SUN2: variants seen among roughly 807,000 people sequenced by gnomAD.
SUN2 encodes the protein SUN domain-containing protein 2.
In SUN2, 60 loss-of-function variants were observed where a neutral mutation model predicts 100.0. That is an observed-to-expected ratio of 0.60 (90% CI 0.49 to 0.74). The LOEUF is 0.74. SUN2 is among the 30% of genes least tolerant of loss of function. The probability of loss-of-function intolerance (pLI) is 0.00; values close to 1 mark genes in which losing one functional copy is unlikely to be tolerated. For synonymous variants in SUN2, 367 were observed against 403.3 expected (o/e 0.91, Z 1.08); for missense variants, 834 against 954.6 (o/e 0.87, Z 1.66).
chr22:38,750,433 C>A, intron 4 of SUN2, 113 bp from the exon 5 acceptor site: 1 of 1,534,268 alleles, frequency 6.5e-7, no homozygotes, highest in Non-Finnish European at 8.8e-7. Context: ...TCCCCACAGC[C>A]CCACACAGGC....
Position 38,755,385 on chromosome 22 carries a change from C to A in SUN2, c.-38+378G>T, listed in dbSNP as rs1253508621. ...GAACAAAACGGGCCTTCCTCTGAGG[C>A]CCTGAGTTCTGACAGGCAGAGGCTG... is the stretch of plus-strand genomic sequence containing the variant. On this transcript the variant is annotated intron_variant, in intron 1 of 17. Coordinates refer to ENST00000689035, the MANE Select transcript of SUN2 (RefSeq NM_015374.3). This position sits in a 1 kb window ranked among gnomAD's most constrained non-coding sequence, Gnocchi z 5.7. The A allele has an allele frequency of 3.0e-6, 3 of 1,010,676 alleles. No individual in the cohort carries two copies. The highest frequency in any genetic ancestry group is 5.2e-5 in the Admixed American group (1 of 19,314). The allele number at this position is 1,010,676 out of a possible 1,614,324, so 62.6% of individuals were successfully genotyped here.
chr22:38,750,498 C>A (rs776570618), intron 4 of SUN2, 178 bp from the exon 5 acceptor site: 34 of 1,357,622 alleles, frequency 2.5e-5, no homozygotes, highest in Non-Finnish European at 3.0e-5. Context: ...TTTCTTCTGA[C>A]AGCTTCCTGT....
At chr22:38,743,033 C>G (rs1381161223) in intron 8 of SUN2, 1 of 155,146 alleles carries the variant, frequency 6.4e-6, no homozygotes, top group Non-Finnish European at 1.4e-5. Context: ...GGCTAAGAGA[C>G]AGAATAATTT....
chr22:38,745,836 C>T (rs1483553712), intron 7 of SUN2, 25 bp from the exon 8 acceptor site: 3 of 1,610,056 alleles, frequency 1.9e-6, no homozygotes, highest in African/African-American at 2.7e-5. Context: ...GAGGGTGTTA[C>T]CCCAGCTGGG....
rs770092495 is a variant in SUN2 at position 38,738,242 on chromosome 22, C to T, written c.1971G>A (p.Gln657=). ...AIFGFDEDLQ[Q]EGTLLGKFTY... is the part of the protein sequence containing the mutation. ...TGAACTTGCCAAGGAGTGTCCCCTC[C>T]TGCTGCAGGTCTTCGTCAAACCCCT... The change falls in exon 17 of 18, where the codon CAG becomes CAA. Residue 657 remains glutamine, a synonymous_variant. Transcript: ENST00000689035. The surrounding 1 kb of genome is among the most constrained non-coding windows in gnomAD (Gnocchi z 6.6). The T allele has an allele frequency of 6.2e-7, 1 of 1,613,790 alleles. No individual in the cohort carries two copies. Among genetic ancestry groups the T allele is most frequent in the Non-Finnish European group, 8.5e-7 (1 of 1,179,976 alleles).
rs867913578 is a variant in SUN2, at chr22:38,755,228, C to T, written c.-38+535G>A. On this transcript the variant is annotated intron_variant, in intron 1 of 17. Transcript: ENST00000689035. The surrounding 1 kb of genome is among the most constrained non-coding windows in gnomAD (Gnocchi z 5.7). ...ACACGCCCTTGTGGGACCTGCCAAA[C>T]GCCCGGTGCTAACTCCCTCTGCCCT... 55 of 1,182,268 alleles carry T rather than the reference C, an allele frequency of 4.7e-5. No homozygotes were observed. The South Asian group carries it at 6.6e-4, about 14-fold the overall frequency. The allele number at this position is 1,182,268 out of a possible 1,614,324, so 73.2% of individuals were successfully genotyped here.
At chr22:38,741,794 G>T (rs1036481208) in intron 9 of SUN2, among the ~76,000 whole-genome samples, 1 of 152,188 alleles carries the variant, frequency 6.6e-6, no homozygotes, top group African/African-American at 2.4e-5. Context: ...GCTCACTATG[G>T]GGGTGGGGGA....
Position 38,735,386 on chromosome 22 carries a change from C to A in SUN2, c.*881G>T. ...CGTCCCCACAAGAGCCCAGGAGTTC[C>A]ATGCTCCCCACTCTTCTTGCTATAA... On this transcript the variant is annotated 3_prime_UTR_variant, in exon 18 of 18. Transcript: ENST00000689035. 5 of 369,754 alleles carry A rather than the reference C, an allele frequency of 1.4e-5. No individual in the cohort carries two copies. Among genetic ancestry groups the A allele is most frequent in the Non-Finnish European group, 2.7e-5 (5 of 188,032 alleles). The allele number at this position is 369,754 out of a possible 1,614,324, so 22.9% of individuals were successfully genotyped here. A position where few individuals can be genotyped will look rare whatever the true frequency, so the allele number is the denominator to read the frequency against.
At chr22:38,751,184 C>T (rs748659441) in intron 3 of SUN2, 26 bp downstream of exon 3, 6 of 1,605,320 alleles carry the variant, frequency 3.7e-6, no homozygotes, top group Non-Finnish European at 4.3e-6. Flanking sequence ...GAAGCAAAGC[C>T]CCGGGACGGA....
chr22:38,735,033 T>C lies in SUN2; in HGVS notation c.*1234A>G. 3.4e-6 allele frequency: 1 copy of C among 293,438 alleles called. No individual in the cohort carries two copies. Among genetic ancestry groups the C allele is most frequent in the Non-Finnish European group, 6.8e-6 (1 of 147,512 alleles). 18.2% of individuals were successfully genotyped at this position (293,438 alleles called of 1,614,324 possible). ...CCACGGCCAGGAACAAGAAACTGAG[T>C]ATCACCCAGTGCCCCACAGAACGGG... is the stretch of plus-strand genomic sequence containing the variant. On this transcript the variant is annotated 3_prime_UTR_variant, in exon 18 of 18. Transcript: ENST00000689035.
chr22:38,754,909 G>T (rs1428169328), intron 1 of SUN2: 1 of 1,289,294 alleles, frequency 7.8e-7, no homozygotes, highest in Non-Finnish European at 1.0e-6. Flanking sequence ...ATTGAGTCTG[G>T]GTTTCACAAG....
rs911503497 is a variant in SUN2, at chr22:38,738,062, G to C, written c.2040+111C>G. 1 of 948,488 alleles carries C rather than the reference G, an allele frequency of 1.1e-6. No individual in the cohort carries two copies. The highest frequency in any genetic ancestry group is 1.6e-5 in the African/African-American group (1 of 62,196). The allele number at this position is 948,488 out of a possible 1,614,324, so 58.8% of individuals were successfully genotyped here. A position where few individuals can be genotyped will look rare whatever the true frequency, so the allele number is the denominator to read the frequency against. On this transcript the variant is annotated intron_variant, in intron 17 of 17. Transcript: ENST00000689035. This position sits in a 1 kb window ranked among gnomAD's most constrained non-coding sequence, Gnocchi z 6.6. ...ACATCTTGAGCTGTGGGAAAGGAGA[G>C]CAGGGCTTCCCTCTCTGAACCCCAT...
chr22:38,746,043 T>C (rs1343078353), intron 7 of SUN2, among the ~76,000 whole-genome samples: 1 of 152,226 alleles, frequency 6.6e-6, no homozygotes. Context: ...TCCTTCATCT[T>C]TCTGTAAGTG....
rs1346841141 is a variant in SUN2, at chr22:38,750,884, G to A, written c.424+14C>T. 3 of 1,613,928 alleles carry A rather than the reference G, an allele frequency of 1.9e-6. No homozygotes were observed. Among genetic ancestry groups the A allele is most frequent in the Admixed American group, 3.3e-5 (2 of 60,016 alleles). ...AGCCTCGGATCTGCTCAGGAGGGAG[G>A]AAGCATCGCCTACCCACGTAGTCGT... On this transcript the variant is annotated intron_variant, in intron 4 of 17. Transcript: ENST00000689035.
Position 38,739,973 on chromosome 22 carries a change from G to A in SUN2, c.1357-30C>T, listed in dbSNP as rs776302979. ...AGGAACCCAAAGGGGTGTCACCCTG[G>A]GGGGCTTGCAGGGACAGCAGGAGCT... On this transcript the variant is annotated intron_variant, in intron 12 of 17. Coordinates refer to ENST00000689035, the MANE Select transcript of SUN2 (RefSeq NM_015374.3). This position sits in a 1 kb window ranked among gnomAD's most constrained non-coding sequence, Gnocchi z 6.7. 6 of 1,599,610 alleles carry A rather than the reference G, an allele frequency of 3.8e-6. No homozygotes were observed. Among genetic ancestry groups the A allele is most frequent in the South Asian group, 1.1e-5 (1 of 90,884 alleles).
Position 38,748,793 on chromosome 22 carries a change from G to A in SUN2, c.615-10C>T, listed in dbSNP as rs375410049. On this transcript the variant is annotated splice_polypyrimidine_tract_variant and intron_variant, in intron 6 of 17. Coordinates refer to ENST00000689035, the MANE Select transcript of SUN2 (RefSeq NM_015374.3). ...CAGGGACGAGAAGCGCCTGGACCAC[G>A]CGGGAGGGCAGGACGGGGGAGGCGG... is the stretch of plus-strand genomic sequence containing the variant. The A allele has an allele frequency of 5.3e-4, 852 of 1,614,056 alleles. No individual in the cohort carries two copies. The highest frequency in any genetic ancestry group is 6.8e-4 in the Non-Finnish European group (804 of 1,180,006).
At position 38,737,424 on chromosome 22, in the gene SUN2, C is replaced by T. The variant is rs897434476; in HGVS notation, c.2040+749G>A. On this transcript the variant is annotated intron_variant, in intron 17 of 17. Transcript: ENST00000689035. The surrounding 1 kb of genome is among the most constrained non-coding windows in gnomAD (Gnocchi z 4.1). Reference sequence around the variant, plus strand: ...TCCCCCACCTATCCTGTTCTGGCTGCTTTCCCTCAACCACTTCCTGACGGG... The same window carrying T: ...TCCCCCACCTATCCTGTTCTGGCTGTTTTCCCTCAACCACTTCCTGACGGG... Among the ~76,000 whole-genome samples the T allele has an allele frequency of 6.6e-6, 1 of 152,206 alleles. No homozygotes were observed. Among genetic ancestry groups the T allele is most frequent in the Non-Finnish European group, 1.5e-5 (1 of 68,042 alleles).
At position 38,751,327 on chromosome 22, in the gene SUN2, G is replaced by T. The variant is rs975353798; in HGVS notation, c.169C>A (p.Pro57Thr). 3.1e-6 allele frequency: 5 copies of T among 1,614,082 alleles called. No individual in the cohort carries two copies. Among genetic ancestry groups the T allele is most frequent in the Non-Finnish European group, 4.2e-6 (5 of 1,180,020 alleles). ...GCATCAGAGGACGGGCCCAGCTGTG[G>T]CGCTGGGGACAGGCGCTTCATGTTG... The part of the protein sequence containing the change: ...SSNMKRLSPA[P>T]QLGPSSDAHT... Residue 57 changes from proline (P) to threonine (T), a missense_variant, in exon 3 of 18, where the codon CCA becomes ACA. Physicochemically the swap from Pro to Thr is conservative, Grantham distance 38. Coordinates refer to ENST00000689035, the MANE Select transcript of SUN2 (RefSeq NM_015374.3).
intron 5 of SUN2, 35 bp downstream of exon 5, chr22:38,750,190 A>C: frequency 6.2e-7 from 1 of 1,600,178 alleles, no homozygotes; most frequent in Non-Finnish European, 8.6e-7. Flanking sequence ...ACTATCACCA[A>C]GAATGGAAGT....
Sources: allele counts gnomAD v4.1 joint callset (sites outside exome capture counted in the v4.1 genomes callset), GRCh38; gene constraint gnomAD v4.1.1; non-coding constraint Gnocchi (gnomAD v3.1); transcripts MANE v1.5; gene names NCBI Gene and HGNC (gene_info 2026-07-23, HGNC 2026-07-21).